CCDC158: variants seen among roughly 807,000 people sequenced by gnomAD.
CCDC158 encodes the protein coiled-coil domain containing 158.
CCDC158 carries 116 observed loss-of-function variants against 138.6 expected under a neutral mutation model. The ratio of observed to expected loss-of-function variants is 0.84; its 90% confidence interval spans 0.72 to 0.98. The LOEUF (loss-of-function observed/expected upper bound fraction) is 0.98. Among genes scored for constraint, CCDC158 ranks in the 50% least tolerant of loss-of-function variants. The pLI is 0.00. For synonymous variants in CCDC158, 436 were observed against 442.4 expected (o/e 0.99, Z 0.18); for missense variants, 1,265 against 1,306.1 (o/e 0.97, Z 0.48).
At chr4:76,322,327 C>T (rs1244227017) in intron 24 of CCDC158, among the ~76,000 whole-genome samples, 1 of 152,028 alleles carries the variant, frequency 6.6e-6, no homozygotes, top group East Asian at 1.9e-4. Flanking sequence ...TTGCAGAGGC[C>T]AAGTCCCCGA....
At chr4:76,323,080 A>G (rs1051277197) in intron 24 of CCDC158, among the ~76,000 whole-genome samples, 1 of 152,230 alleles carries the variant, frequency 6.6e-6, no homozygotes, top group Admixed American at 6.5e-5. Flanking sequence ...CAGGATTGTC[A>G]TCCCCATTAG....
intron 22 of CCDC158, among the ~76,000 whole-genome samples, chr4:76,328,398 G>A (rs181684309): frequency 2.0e-3 from 310 of 152,316 alleles, no homozygotes; most frequent in African/African-American, 6.8e-3. Flanking sequence ...AAGAGTAACT[G>A]ATAAAAGGAA....
At chr4:76,334,887 T>G (rs1721329224) in intron 18 of CCDC158, among the ~76,000 whole-genome samples, 1 of 152,200 alleles carries the variant, frequency 6.6e-6, no homozygotes, top group African/African-American at 2.4e-5. Flanking sequence ...GGATGAACAC[T>G]GCAGATTTTT....
At position 76,331,381 on chromosome 4, in the gene CCDC158, A is replaced by T; in HGVS notation, c.2905T>A (p.Ser969Thr). ...TCACTTGATTTGCTTCCTTCAGTGGAGTCCCTCAACGAGTTGTTGCTTCTG... is the reference window on the plus strand; with the variant it reads ...TCACTTGATTTGCTTCCTTCAGTGGTGTCCCTCAACGAGTTGTTGCTTCTG... Reference protein sequence around the residue: ...CHRSNNSLRDSTEGSKSSETL... With the variant: ...CHRSNNSLRDTTEGSKSSETL... Residue 969 changes from serine (S) to threonine (T), a missense_variant, in exon 21 of 25, where the codon TCC becomes ACC. Transcript: ENST00000682701. 6.2e-7 allele frequency: 1 copy of T among 1,613,970 alleles called. No individual in the cohort carries two copies. The highest frequency in any genetic ancestry group is 8.5e-7 in the Non-Finnish European group (1 of 1,179,872).
At chr4:76,374,113 GC>G (rs1177730813) in intron 9 of CCDC158, among the ~76,000 whole-genome samples, 1 of 152,064 alleles carries the variant, frequency 6.6e-6, no homozygotes, top group African/African-American at 2.4e-5. Context: ...TCATGTTCGT[GC>G]CACTGCACTC....
intron 8 of CCDC158, among the ~76,000 whole-genome samples, chr4:76,381,940 C>T (rs1459147619): frequency 1.1e-5 from 1 of 92,432 alleles, no homozygotes; most frequent in Non-Finnish European, 2.6e-5. Context: ...CTCAGCCTCC[C>T]AAAGTGCTGG....
Position 76,326,737 on chromosome 4 carries a change from A to T in CCDC158, c.3011-722T>A, listed in dbSNP as rs184655676. On this transcript the variant is annotated intron_variant, in intron 22 of 24. Coordinates refer to ENST00000682701, the MANE Select transcript of CCDC158 (RefSeq NM_001394954.1). ...GAAAGCTAGAAAACAATGGAAAGTGATATCTTCAAAGTGAAGAAAAAAATG... is the reference window on the plus strand; with the variant it reads ...GAAAGCTAGAAAACAATGGAAAGTGTTATCTTCAAAGTGAAGAAAAAAATG... 3.3e-5 allele frequency among the ~76,000 whole-genome samples: 5 copies of T among 152,342 alleles called. No homozygotes were observed. The East Asian group carries it at 9.6e-4, about 29-fold the overall frequency.
In CCDC158 at chr4:76,384,214, T is replaced by A. The variant is rs760100969; in HGVS notation, c.600A>T (p.Ser200=). Residue 200 remains serine (S), a synonymous_variant, in exon 6 of 25, where the codon TCA becomes TCT. Coordinates refer to ENST00000682701, the MANE Select transcript of CCDC158 (RefSeq NM_001394954.1). ...RSILVDFEEA[S]GKKICEHDSM... ...TGTCATGTTCACATATTTTTTTGCCTGAGGCTTCTTCAAAGTCAACTAGGA... is the reference window on the plus strand; with the variant it reads ...TGTCATGTTCACATATTTTTTTGCCAGAGGCTTCTTCAAAGTCAACTAGGA... The A allele has an allele frequency of 1.2e-5, 20 of 1,614,084 alleles. No homozygotes were observed. The highest frequency in any genetic ancestry group is 1.6e-5 in the Non-Finnish European group (19 of 1,180,032).
chr4:76,372,856 C>CTTTT (rs149351064), intron 9 of CCDC158, among the ~76,000 whole-genome samples: 3,312 of 149,110 alleles, frequency 0.022, 128 homozygotes, highest in African/African-American at 0.077. Context: ...TTCTATAGTT[C>CTTTT]TTTTTTTTTT....
At chr4:76,358,110 G>C (rs1462420374) in intron 13 of CCDC158, among the ~76,000 whole-genome samples, 1 of 152,008 alleles carries the variant, frequency 6.6e-6, no homozygotes, top group Non-Finnish European at 1.5e-5. Flanking sequence ...AGATGTCCTC[G>C]TGCCACCTGA....
chr4:76,419,304 A>C (rs77650872), intron 1 of CCDC158, among the ~76,000 whole-genome samples: 7,019 of 151,662 alleles, frequency 0.046, 381 homozygotes, highest in East Asian at 0.24. Flanking sequence ...ACTGTACCCC[A>C]CTATTGCCCC....
At chr4:76,390,365 A>G (rs2109806100) in intron 4 of CCDC158, among the ~76,000 whole-genome samples, 1 of 152,224 alleles carries the variant, frequency 6.6e-6, no homozygotes, top group Admixed American at 6.5e-5. Context: ...AAGGTAAAAA[A>G]ACATACAACA....
chr4:76,346,665 A>G (rs1188408986), intron 18 of CCDC158, among the ~76,000 whole-genome samples: 1 of 152,214 alleles, frequency 6.6e-6, no homozygotes, highest in Non-Finnish European at 1.5e-5. Context: ...GGCAAAGATC[A>G]TGTCACTGCA....
chr4:76,331,310 G>C, intron 21 of CCDC158, 34 bp downstream of exon 21: 1 of 1,573,576 alleles, frequency 6.4e-7, no homozygotes, highest in Non-Finnish European at 8.7e-7. Flanking sequence ...GTCGTAAAAG[G>C]GACATTTTGA....
chr4:76,371,321 A>G, intron 10 of CCDC158, 96 bp downstream of exon 10: 1 of 1,222,398 alleles, frequency 8.2e-7, no homozygotes, highest in Non-Finnish European at 1.1e-6. Context: ...ATATTTTGTA[A>G]ATTTGTAATT....
intron 12 of CCDC158, among the ~76,000 whole-genome samples, chr4:76,364,991 T>C (rs1724517330): frequency 6.6e-6 from 1 of 152,238 alleles, no homozygotes; most frequent in African/African-American, 2.4e-5. Context: ...TAAATCCAGC[T>C]GACCTCATGC....
chr4:76,323,680 T>C (rs1321751211), intron 23 of CCDC158, among the ~76,000 whole-genome samples: 1 of 152,196 alleles, frequency 6.6e-6, no homozygotes, highest in Non-Finnish European at 1.5e-5. Context: ...TAATATTAAA[T>C]AAGATGGGTG....
chr4:76,345,024 C>G lies in CCDC158; in HGVS notation c.2664+5972G>C, dbSNP rs888300781. 6.5e-6 allele frequency: 9 copies of G among 1,382,384 alleles called. No homozygotes were observed. The East Asian group carries it at 2.1e-4, about 32-fold the overall frequency. The allele number at this position is 1,382,384 out of a possible 1,614,324, so 85.6% of individuals were successfully genotyped here. On this transcript the variant is annotated intron_variant, in intron 18 of 24. Transcript: ENST00000682701. ...TTTGAGCAAGAGAAGAACTTCCTTA[C>G]TAATTATTACAATAGGATCAACGAT...
At chr4:76,371,939 C>CAA (rs539607968) in intron 9 of CCDC158, among the ~76,000 whole-genome samples, 48 of 65,454 alleles carry the variant, frequency 7.3e-4, no homozygotes, top group African/African-American at 2.0e-3. Flanking sequence ...ACTACATCTC[C>CAA]AAAAAAAAAA....
Sources: allele counts gnomAD v4.1 joint callset (sites outside exome capture counted in the v4.1 genomes callset), GRCh38; gene constraint gnomAD v4.1.1; transcripts MANE v1.5; gene names NCBI Gene and HGNC (gene_info 2026-07-23, HGNC 2026-07-21).